GPR39: variants seen among roughly 807,000 people sequenced by gnomAD.
GPR39 encodes the protein G protein-coupled receptor 39, also known as zinc sensing receptor.
A neutral mutation model predicts 18.4 loss-of-function variants in GPR39; 23 were observed. That is an observed-to-expected ratio of 1.25 (90% CI 0.90 to 1.77). The LOEUF (loss-of-function observed/expected upper bound fraction) is 1.77, where lower values mean the gene tolerates loss of function less well. GPR39 is among the 40% of genes most tolerant of loss of function. The pLI, the probability that GPR39 is intolerant of heterozygous loss-of-function variation, is 0.00. For synonymous variants in GPR39, 280 were observed against 257.9 expected (o/e 1.09, Z -0.82); for missense variants, 647 against 602.4 (o/e 1.07, Z -0.78).
intron 1 of GPR39, among the ~76,000 whole-genome samples, chr2:132,492,094 A>G (rs1681475214): frequency 6.7e-6 from 1 of 150,158 alleles, no homozygotes; most frequent in African/African-American, 2.4e-5. Flanking sequence ...CACCACATAT[A>G]TATATACATA....
chr2:132,645,290 A>C lies in GPR39; in HGVS notation c.1046A>C (p.Gln349Pro), dbSNP rs1315720909. Reference sequence around the variant, plus strand: ...CCGCTCCTGTACACGGTGTCCTCGCAGCAGTTTCGGCGGGTGTTCGTGCAG... The same window carrying C: ...CCGCTCCTGTACACGGTGTCCTCGCCGCAGTTTCGGCGGGTGTTCGTGCAG... Reference protein sequence around the residue: ...INPLLYTVSSQQFRRVFVQVL... With the variant: ...INPLLYTVSSPQFRRVFVQVL... Residue 349 changes from glutamine to proline, a missense_variant, in exon 2 of 2, where the codon CAG becomes CCG. Coordinates refer to ENST00000329321, the MANE Select transcript of GPR39 (RefSeq NM_001508.3). 6.2e-7 allele frequency: 1 copy of C among 1,614,030 alleles called. No individual in the cohort carries two copies.
At chr2:132,591,268 A>C (rs528384806) in intron 1 of GPR39, among the ~76,000 whole-genome samples, 1,310 of 121,938 alleles carry the variant, frequency 0.011, 13 homozygotes, top group Non-Finnish European at 0.016. Context: ...AAAAAAAAAA[A>C]AAAAAAAAAC....
chr2:132,579,219 CTT>C (rs1680583990), intron 1 of GPR39, among the ~76,000 whole-genome samples: 1 of 151,002 alleles, frequency 6.6e-6, no homozygotes, highest in African/African-American at 2.4e-5. Flanking sequence ...AAGACTTCCT[CTT>C]TGATTCATGG....
intron 1 of GPR39, among the ~76,000 whole-genome samples, chr2:132,545,980 A>G (rs1186945978): frequency 2.0e-5 from 3 of 152,212 alleles, no homozygotes; most frequent in Non-Finnish European, 4.4e-5. Flanking sequence ...TTTACCCAAG[A>G]GGTTTCACAT....
At chr2:132,476,418 T>G (rs994016464) in intron 1 of GPR39, among the ~76,000 whole-genome samples, 1 of 151,988 alleles carries the variant, frequency 6.6e-6, no homozygotes, top group Non-Finnish European at 1.5e-5. Flanking sequence ...GGTGGATTAC[T>G]TGAGGTCAGG....
chr2:132,489,133 G>T, intron 1 of GPR39: 1 of 238,792 alleles, frequency 4.2e-6, no homozygotes, highest in East Asian at 1.1e-4. Flanking sequence ...CCTACCCTGC[G>T]AAGGTACTTC....
chr2:132,610,014 G>A (rs1164508426), intron 1 of GPR39, among the ~76,000 whole-genome samples: 1 of 151,928 alleles, frequency 6.6e-6, no homozygotes, highest in African/African-American at 2.4e-5. Context: ...CCAAGACTCA[G>A]TTTAGACATT....
At chr2:132,549,771 A>G (rs1262023749) in intron 1 of GPR39, among the ~76,000 whole-genome samples, 5 of 152,038 alleles carry the variant, frequency 3.3e-5, no homozygotes, top group Admixed American at 2.0e-4. Context: ...CCGGTGACAG[A>G]GCACGACTCC....
chr2:132,496,713 C>T (rs374304749), intron 1 of GPR39, among the ~76,000 whole-genome samples: 3 of 152,238 alleles, frequency 2.0e-5, no homozygotes, highest in East Asian at 3.8e-4. Flanking sequence ...GAGTTGTCAT[C>T]AACTCCACTT....
intron 1 of GPR39, among the ~76,000 whole-genome samples, chr2:132,639,636 TGATA>T (rs1468785123): frequency 1.3e-5 from 2 of 152,120 alleles, no homozygotes; most frequent in African/African-American, 2.4e-5. Flanking sequence ...AGAAGAGAGA[TGATA>T]GATAGACAGA....
At position 132,645,335 on chromosome 2, in the gene GPR39, C is replaced by A. The variant is rs761449400; in HGVS notation, c.1091C>A (p.Ser364Ter). Residue 364 changes from serine to a stop codon, truncating the protein, a stop_gained, in exon 2 of 2, where the codon TCG becomes TAG. Transcript: ENST00000329321. LOFTEE classifies it low-confidence loss of function (END_TRUNC). ...GTGCAGGTGCTGTGCTGCCGCCTGT[C>A]GCTGCAGCACGCCAACCACGAGAAG... ...VFVQVLCCRL[S>*]LQHANHEKRL... 4.4e-5 allele frequency: 71 copies of A among 1,614,052 alleles called. No individual in the cohort carries two copies. The South Asian group carries it at 6.5e-4, about 15-fold the overall frequency.
At chr2:132,555,351 G>T (rs1680131483) in intron 1 of GPR39, among the ~76,000 whole-genome samples, 2 of 152,166 alleles carry the variant, frequency 1.3e-5, no homozygotes, top group South Asian at 2.1e-4. Context: ...ATGCAGAAGG[G>T]GCTTGGTTGG....
At position 132,645,291 on chromosome 2, in the gene GPR39, G is replaced by A; in HGVS notation, c.1047G>A (p.Gln349=). The change falls in exon 2 of 2, where the codon CAG becomes CAA. Residue 349 remains glutamine, a synonymous_variant. Coordinates refer to ENST00000329321, the MANE Select transcript of GPR39 (RefSeq NM_001508.3). Reference sequence around the variant, plus strand: ...CGCTCCTGTACACGGTGTCCTCGCAGCAGTTTCGGCGGGTGTTCGTGCAGG... The same window carrying A: ...CGCTCCTGTACACGGTGTCCTCGCAACAGTTTCGGCGGGTGTTCGTGCAGG... ...INPLLYTVSS[Q]QFRRVFVQVL... 1 of 1,614,198 alleles carries A rather than the reference G, an allele frequency of 6.2e-7. No individual in the cohort carries two copies.
intron 1 of GPR39, among the ~76,000 whole-genome samples, chr2:132,642,749 G>A (rs549059922): frequency 7.2e-5 from 11 of 152,266 alleles, no homozygotes; most frequent in South Asian, 2.1e-4. Context: ...GATTCTCACC[G>A]CCTGAAGTAC....
chr2:132,560,125 A>G (rs1006572679), intron 1 of GPR39, among the ~76,000 whole-genome samples: 1 of 152,092 alleles, frequency 6.6e-6, no homozygotes, highest in African/African-American at 2.4e-5. Flanking sequence ...TTCCCAATCC[A>G]AATAGCAGCA....
chr2:132,519,993 T>C (rs967915054), intron 1 of GPR39, among the ~76,000 whole-genome samples: 5 of 152,154 alleles, frequency 3.3e-5, no homozygotes, highest in Admixed American at 2.6e-4. Context: ...TTAGAGACCA[T>C]GCATTTCTTA....
At chr2:132,529,181 C>G (rs749890596) in intron 1 of GPR39, among the ~76,000 whole-genome samples, 1 of 152,172 alleles carries the variant, frequency 6.6e-6, no homozygotes, top group African/African-American at 2.4e-5. Context: ...TTCCAACAGG[C>G]TTAACAAACA....
intron 1 of GPR39, among the ~76,000 whole-genome samples, chr2:132,509,144 C>T (rs1679187857): frequency 6.6e-6 from 1 of 152,138 alleles, no homozygotes; most frequent in South Asian, 2.1e-4. Flanking sequence ...TGACTTATTC[C>T]CTCTCACCTG....
intron 1 of GPR39, among the ~76,000 whole-genome samples, chr2:132,562,131 T>G (rs1680264932): frequency 2.0e-5 from 3 of 152,106 alleles, no homozygotes; most frequent in African/African-American, 4.8e-5. Context: ...CATTCAAATT[T>G]CTGAGGGTGA....
Sources: allele counts gnomAD v4.1 joint callset (sites outside exome capture counted in the v4.1 genomes callset), GRCh38; gene constraint gnomAD v4.1.1; transcripts MANE v1.5; gene names NCBI Gene and HGNC (gene_info 2026-07-23, HGNC 2026-07-21).